The following OSBPL1A variants were observed in gnomAD, a reference collection of about 807,000 sequenced individuals.
The protein encoded by OSBPL1A is oxysterol-binding protein-related protein 1.
In OSBPL1A, 80 loss-of-function variants were observed where a neutral mutation model predicts 137.1. The ratio of observed to expected loss-of-function variants is 0.58; its 90% confidence interval spans 0.49 to 0.70. OSBPL1A has a LOEUF of 0.70. Ranked by LOEUF, OSBPL1A falls within the 30% of genes least tolerant of loss-of-function variation. The pLI is 0.00. For missense variants in OSBPL1A, 970 were observed against 1,129.4 expected (o/e 0.86, Z 2.02); for synonymous variants, 365 against 389.7 (o/e 0.94, Z 0.75).
At chr18:24,294,477 G>C (rs981012827) in intron 14 of OSBPL1A, among the ~76,000 whole-genome samples, 1 of 151,934 alleles carries the variant, frequency 6.6e-6, no homozygotes, top group Non-Finnish European at 1.5e-5. Context: ...CAGGTGATCC[G>C]CCCGACTCAG....
At chr18:24,349,879 T>C (rs1186043624) in intron 4 of OSBPL1A, among the ~76,000 whole-genome samples, 1 of 152,220 alleles carries the variant, frequency 6.6e-6, no homozygotes, top group Non-Finnish European at 1.5e-5. Context: ...GGCTGTGTGC[T>C]TGGAATTCTG....
chr18:24,308,590 C>T lies in OSBPL1A; in HGVS notation c.1092+3394G>A, dbSNP rs138312924. Among the ~76,000 whole-genome samples the T allele has an allele frequency of 3.7e-3, 557 of 151,836 alleles. 6 individuals carry two copies. Among genetic ancestry groups the T allele is most frequent in the African/African-American group, 0.013 (543 of 41,386 alleles). On this transcript the variant is annotated intron_variant, in intron 13 of 27. Transcript: ENST00000319481. ...ATCAAGACATCTTCAACAAATAAAA[C>T]CCCCACTTTGCTAGTACCACCCAGA...
chr18:24,276,374 G>A (rs2089846241), intron 15 of OSBPL1A, among the ~76,000 whole-genome samples: 1 of 152,132 alleles, frequency 6.6e-6, no homozygotes. Context: ...TTCTTCAGTA[G>A]ATCAACCACC....
intron 17 of OSBPL1A, among the ~76,000 whole-genome samples, chr18:24,223,457 T>C (rs2087959294): frequency 6.6e-6 from 1 of 152,126 alleles, no homozygotes; most frequent in Non-Finnish European, 1.5e-5. Flanking sequence ...ACTACATTTA[T>C]AGGTTTAGTA....
At chr18:24,170,235 A>T in intron 24 of OSBPL1A, 92 bp downstream of exon 24, 1 of 1,420,712 alleles carries the variant, frequency 7.0e-7, no homozygotes, top group Non-Finnish European at 9.6e-7. Flanking sequence ...AAGAAAGTTA[A>T]ACTGTGACCC....
chr18:24,193,413 G>A (rs374069156), intron 18 of OSBPL1A, among the ~76,000 whole-genome samples: 99 of 151,600 alleles, frequency 6.5e-4, no homozygotes, highest in Non-Finnish European at 1.0e-3. Flanking sequence ...ACTTGAACCC[G>A]GGAGGTGGAG....
At chr18:24,177,675 A>C (rs187177946) in intron 21 of OSBPL1A, among the ~76,000 whole-genome samples, 41 of 152,380 alleles carry the variant, frequency 2.7e-4, no homozygotes, top group Non-Finnish European at 5.0e-4. Flanking sequence ...CTCAGAGTGA[A>C]TTCATTTTGA....
At chr18:24,213,654 T>C (rs2087609555) in intron 17 of OSBPL1A, among the ~76,000 whole-genome samples, 1 of 152,206 alleles carries the variant, frequency 6.6e-6, no homozygotes, top group African/African-American at 2.4e-5. Flanking sequence ...AAAATTATTT[T>C]TCATTTTTGA....
chr18:24,300,077 C>A (rs1568010656), intron 14 of OSBPL1A, among the ~76,000 whole-genome samples: 5 of 152,092 alleles, frequency 3.3e-5, no homozygotes, highest in Admixed American at 1.3e-4. Context: ...TTTTTGCAAC[C>A]AGGCTTTTGA....
chr18:24,318,913 A>G lies in OSBPL1A; in HGVS notation c.626-104T>C, dbSNP rs138225720. ...ATAGTCCTTCATTTTTCTATTGCCT[A>G]TATCTTTTTCTTTCCCCAGAAAATT... On this transcript the variant is annotated intron_variant, in intron 7 of 27. Coordinates refer to ENST00000319481, the MANE Select transcript of OSBPL1A (RefSeq NM_080597.4). 291 of 978,022 alleles carry G rather than the reference A, an allele frequency of 3.0e-4. 1 individual carries two copies. In the African/African-American group the frequency reaches 4.3e-3, roughly 15 times the overall value. The allele number at this position is 978,022 out of a possible 1,614,324, so 60.6% of individuals were successfully genotyped here. A position where few individuals can be genotyped will look rare whatever the true frequency, so the allele number is the denominator to read the frequency against.
At chr18:24,267,196 ATT>A (rs2089600454) in intron 15 of OSBPL1A, among the ~76,000 whole-genome samples, 1 of 151,690 alleles carries the variant, frequency 6.6e-6, no homozygotes, top group African/African-American at 2.4e-5. Context: ...TTTATAATAC[ATT>A]TCAAAACTTA....
intron 18 of OSBPL1A, among the ~76,000 whole-genome samples, chr18:24,190,942 C>A (rs1481252962): frequency 1.3e-5 from 2 of 152,216 alleles, no homozygotes; most frequent in African/African-American, 2.4e-5. Context: ...ATGAGCTAAA[C>A]CTTCAGTTTG....
chr18:24,312,413 T>C (rs895067592), intron 12 of OSBPL1A, among the ~76,000 whole-genome samples: 1 of 152,140 alleles, frequency 6.6e-6, no homozygotes, highest in Non-Finnish European at 1.5e-5. Context: ...AAATTATAGG[T>C]TCTCGTTTTC....
intron 15 of OSBPL1A, chr18:24,272,168 C>T: frequency 1.0e-6 from 1 of 983,768 alleles, no homozygotes. Flanking sequence ...AGTGCCGCGC[C>T]GAGGCGCCTG....
chr18:24,303,879 A>G (rs2090449845), intron 13 of OSBPL1A, among the ~76,000 whole-genome samples, 161 bp from the exon 14 acceptor site: 1 of 152,232 alleles, frequency 6.6e-6, no homozygotes, highest in South Asian at 2.1e-4. Context: ...ATTTCCTTGT[A>G]AACTGAATAT....
intron 17 of OSBPL1A, among the ~76,000 whole-genome samples, chr18:24,203,547 G>C (rs1215996004): frequency 6.6e-6 from 1 of 152,178 alleles, no homozygotes; most frequent in African/African-American, 2.4e-5. Flanking sequence ...TTAGGCACAT[G>C]TACACGTATG....
At chr18:24,221,474 C>T (rs1331987323) in intron 17 of OSBPL1A, among the ~76,000 whole-genome samples, 3 of 152,120 alleles carry the variant, frequency 2.0e-5, no homozygotes, top group Admixed American at 2.0e-4. Context: ...TAATTAGAAT[C>T]AGACAGAAAA....
chr18:24,175,421 C>T (rs138294257), intron 21 of OSBPL1A, among the ~76,000 whole-genome samples: 3,059 of 152,072 alleles, frequency 0.02, 108 homozygotes, highest in East Asian at 0.13. Context: ...CTCCTGGGCT[C>T]AAGTGATCCT....
chr18:24,209,402 A>C (rs1160651672), intron 17 of OSBPL1A, among the ~76,000 whole-genome samples: 1 of 152,252 alleles, frequency 6.6e-6, no homozygotes, highest in Non-Finnish European at 1.5e-5. Context: ...AATGTTGGTG[A>C]GGATGTGGAG....
Sources: gnomAD v4.1 joint callset for allele counts (sites outside exome capture counted in the v4.1 genomes callset) on GRCh38, gnomAD v4.1.1 for gene constraint, MANE v1.5 for transcripts, NCBI Gene and HGNC (gene_info 2026-07-23, HGNC 2026-07-21) for gene names.